RSF1: variants seen among roughly 807,000 people sequenced by gnomAD.
The protein encoded by RSF1 is remodeling and spacing factor 1.
RSF1 carries 13 observed loss-of-function variants against 145.2 expected under a neutral mutation model. The ratio of observed to expected loss-of-function variants is 0.09; its 90% CI spans 0.06 to 0.14. The LOEUF is 0.14. RSF1 is among the 10% of genes least tolerant of loss of function. RSF1 has a pLI of 1.00. For missense variants in RSF1, 1,517 were observed against 1,718.2 expected, an observed-to-expected ratio of 0.88 and a Z score of 2.07; for synonymous variants, 577 against 592.6, an observed-to-expected ratio of 0.97 and a Z score of 0.38.
chr11:77,753,015 C>T lies in RSF1; in HGVS notation c.280-5887G>A, dbSNP rs563323692. ...AGGAACAATTTTTACCCTATATGGT[C>T]TAAAAATGAGAGGCATGAATAATCC... On this transcript the variant is annotated intron_variant, in intron 2 of 15. Coordinates refer to ENST00000308488, the MANE Select transcript of RSF1 (RefSeq NM_016578.4). 2.2e-3 allele frequency among the ~76,000 whole-genome samples: 335 copies of T among 152,268 alleles called. 2 individuals are homozygous for T. Among genetic ancestry groups the T allele is most frequent in the African/African-American group, 7.9e-3 (327 of 41,554 alleles).
chr11:77,736,378 T>C (rs1332532208), intron 4 of RSF1, among the ~76,000 whole-genome samples: 1 of 152,248 alleles, frequency 6.6e-6, no homozygotes, highest in Admixed American at 6.5e-5. Flanking sequence ...GTTGTTCCCA[T>C]AATGGACTTT....
At chr11:77,754,616 C>T (rs1434275430) in intron 2 of RSF1, among the ~76,000 whole-genome samples, 2 of 150,396 alleles carry the variant, frequency 1.3e-5, no homozygotes, top group African/African-American at 4.9e-5. Flanking sequence ...GGCCTGTAGT[C>T]CCAGCTAAGG....
chr11:77,731,917 A>T (rs1337919198), intron 4 of RSF1, among the ~76,000 whole-genome samples: 1 of 152,244 alleles, frequency 6.6e-6, no homozygotes, highest in Non-Finnish European at 1.5e-5. Context: ...TGGAAGGGAA[A>T]TGTGGGATCA....
chr11:77,869,653 C>T, the RSF1 span: 1 of 1,412,052 alleles, frequency 7.1e-7, no homozygotes, highest in Non-Finnish European at 1.0e-6. Flanking sequence ...TGAATGAATC[C>T]CACAAGAATG....
chr11:77,704,690 T>C (rs1960501445), intron 5 of RSF1, among the ~76,000 whole-genome samples: 1 of 152,118 alleles, frequency 6.6e-6, no homozygotes, highest in South Asian at 2.1e-4. Flanking sequence ...TATTCTTCGC[T>C]GGTGTCATAT....
chr11:77,822,559 AT>A (rs1476886773), upstream of RSF1, among the ~76,000 whole-genome samples: 1 of 152,096 alleles, frequency 6.6e-6, no homozygotes, highest in East Asian at 1.9e-4. Flanking sequence ...CAAACACCGA[AT>A]TTTTTTCTTC....
chr11:77,697,705 TAAA>T (rs1166514933), intron 7 of RSF1, among the ~76,000 whole-genome samples: 1 of 151,344 alleles, frequency 6.6e-6, no homozygotes, highest in African/African-American at 2.4e-5. Context: ...TTTTTTATGT[TAAA>T]AAAATTGTAG....
intron 11 of RSF1, among the ~76,000 whole-genome samples, 156 bp from the exon 12 acceptor site, chr11:77,678,309 C>G (rs951083359): frequency 6.6e-6 from 1 of 151,772 alleles, no homozygotes; most frequent in South Asian, 2.1e-4. Context: ...CTCTGCCTCC[C>G]GGGTTCAAGG....
chr11:77,684,785 C>T (rs1478261806), intron 10 of RSF1, among the ~76,000 whole-genome samples: 1 of 152,016 alleles, frequency 6.6e-6, no homozygotes, highest in Non-Finnish European at 1.5e-5. Context: ...GTCAGGAGTT[C>T]GAGACCATCC....
chr11:77,834,904 A>G, the RSF1 span, among the ~76,000 whole-genome samples: 1 of 152,182 alleles, frequency 6.6e-6, no homozygotes, highest in Non-Finnish European at 1.5e-5. Flanking sequence ...TAATACTGAG[A>G]GTGGAATACA....
upstream of RSF1, chr11:77,820,747 G>C (rs770745309): frequency 1.1e-5 from 17 of 1,530,242 alleles, no homozygotes; most frequent in East Asian, 2.9e-4. Flanking sequence ...GAGGCGATGG[G>C]GGGGCGGGGG....
chr11:77,783,918 T>G (rs532615420), intron 1 of RSF1, among the ~76,000 whole-genome samples: 33 of 152,310 alleles, frequency 2.2e-4, no homozygotes, highest in African/African-American at 6.7e-4. Flanking sequence ...GTATATAATA[T>G]GTCTTTTTCT....
intron 1 of RSF1, among the ~76,000 whole-genome samples, chr11:77,788,142 CAAAAAAAAA>C (rs66595170): frequency 2.3e-3 from 8 of 3,430 alleles, no homozygotes; most frequent in Non-Finnish European, 3.8e-3. Context: ...GACACTATCT[CAAAAAAAAA>C]AAAAAAAAAA....
chr11:77,785,108 C>T (rs1429979358), intron 1 of RSF1, among the ~76,000 whole-genome samples: 1 of 152,136 alleles, frequency 6.6e-6, no homozygotes, highest in African/African-American at 2.4e-5. Flanking sequence ...GGCAGGAAAC[C>T]CTGGTAGTGG....
chr11:77,777,951 A>G (rs1948359223), intron 1 of RSF1, among the ~76,000 whole-genome samples: 1 of 147,758 alleles, frequency 6.8e-6, no homozygotes, highest in Non-Finnish European at 1.5e-5. Context: ...TTATGTGCAT[A>G]AAATCTAACC....
chr11:77,713,957 T>C (rs1405129635), intron 5 of RSF1, among the ~76,000 whole-genome samples: 2 of 152,210 alleles, frequency 1.3e-5, no homozygotes, highest in Non-Finnish European at 2.9e-5. Flanking sequence ...GTTGTCTGGT[T>C]TTATGTACAA....
intron 1 of RSF1, among the ~76,000 whole-genome samples, chr11:77,816,831 G>C (rs1383238010): frequency 5.9e-5 from 9 of 152,216 alleles, no homozygotes. Context: ...GAGGACTAAA[G>C]TAGACTGCAG....
intron 5 of RSF1, among the ~76,000 whole-genome samples, chr11:77,714,149 C>T (rs961010601): frequency 6.6e-6 from 1 of 152,164 alleles, no homozygotes; most frequent in African/African-American, 2.4e-5. Flanking sequence ...GTCCTGTTGT[C>T]CCTGTCCTAC....
At chr11:77,676,733 T>A in intron 13 of RSF1, 59 bp downstream of exon 13, 1 of 1,474,856 alleles carries the variant, frequency 6.8e-7, no homozygotes, top group Non-Finnish European at 9.3e-7. Flanking sequence ...GCCTCTCTGC[T>A]AGCCCAGTCC....
Sources: gnomAD v4.1 joint callset for allele counts (sites outside exome capture counted in the v4.1 genomes callset) on GRCh38, gnomAD v4.1.1 for gene constraint, MANE v1.5 for transcripts, NCBI Gene and HGNC (gene_info 2026-07-23, HGNC 2026-07-21) for gene names.